The following GSG1L variants were observed in gnomAD, a reference collection of about 807,000 sequenced individuals.
The protein encoded by GSG1L is GSG1 like.
Under a neutral mutation model 42.1 loss-of-function variants are expected in GSG1L, and 24 were observed. The ratio of observed to expected loss-of-function variants is 0.57; its 90% CI spans 0.41 to 0.80. The LOEUF is 0.80. Ranked by LOEUF, GSG1L falls within the 30% of genes least tolerant of loss-of-function variation. The probability of loss-of-function intolerance (pLI) is 0.00; values close to 1 mark genes in which losing one functional copy is unlikely to be tolerated. For missense variants in GSG1L, 445 were observed against 472.2 expected, an observed-to-expected ratio of 0.94 and a Z score of 0.53; for synonymous variants, 215 against 203.5, an observed-to-expected ratio of 1.06 and a Z score of -0.48.
intron 3 of GSG1L, among the ~76,000 whole-genome samples, chr16:27,855,783 C>T (rs2083570636): frequency 6.7e-6 from 1 of 150,276 alleles, no homozygotes; most frequent in Non-Finnish European, 1.5e-5. Context: ...CTGTGAGTTT[C>T]TGCTCCAGTG....
intron 1 of GSG1L, among the ~76,000 whole-genome samples, chr16:28,015,411 G>A (rs964957398): frequency 1.3e-5 from 2 of 152,202 alleles, no homozygotes; most frequent in African/African-American, 4.8e-5. Context: ...AGGCTGAGGT[G>A]GAAGGATCAC....
chr16:27,889,549 C>A (rs2084099313), intron 2 of GSG1L, among the ~76,000 whole-genome samples: 1 of 152,172 alleles, frequency 6.6e-6, no homozygotes, highest in Admixed American at 6.5e-5. Context: ...CTTTGGGCAA[C>A]CAGAGCCCAT....
chr16:27,834,037 T>C (rs2083297950), intron 4 of GSG1L, among the ~76,000 whole-genome samples: 1 of 152,164 alleles, frequency 6.6e-6, no homozygotes. Context: ...AAGAAAACAG[T>C]CTTTCAACAT....
chr16:27,987,612 C>T (rs1033007600), intron 1 of GSG1L, among the ~76,000 whole-genome samples: 7 of 152,144 alleles, frequency 4.6e-5, no homozygotes, highest in Admixed American at 2.0e-4. Context: ...CTGGGTGCCA[C>T]GTGGGTACTT....
intron 5 of GSG1L, among the ~76,000 whole-genome samples, chr16:27,820,256 G>A (rs1226270426): frequency 1.3e-5 from 2 of 152,182 alleles, no homozygotes; most frequent in African/African-American, 2.4e-5. Flanking sequence ...GGGGGCCCTC[G>A]GCCACGTGGC....
chr16:27,879,199 A>G (rs989240701), intron 3 of GSG1L, among the ~76,000 whole-genome samples: 1 of 152,204 alleles, frequency 6.6e-6, no homozygotes, highest in Non-Finnish European at 1.5e-5. Context: ...ATCTCAGTCA[A>G]TGCTGGCTAT....
chr16:27,892,172 A>G, intron 2 of GSG1L, among the ~76,000 whole-genome samples: 1 of 152,140 alleles, frequency 6.6e-6, no homozygotes, highest in Non-Finnish European at 1.5e-5. Context: ...GTAAAAAATG[A>G]GGCCGAATGC....
intron 1 of GSG1L, among the ~76,000 whole-genome samples, chr16:28,004,422 G>A (rs1358033211): frequency 1.3e-5 from 2 of 151,340 alleles, no homozygotes; most frequent in East Asian, 1.9e-4. Context: ...AGAGAAGGAC[G>A]GAAATCCAGA....
chr16:27,829,326 T>C (rs571118809), intron 4 of GSG1L, among the ~76,000 whole-genome samples: 3 of 152,096 alleles, frequency 2.0e-5, no homozygotes, highest in African/African-American at 7.2e-5. Context: ...GAAGGAATAG[T>C]GTGTACAAAG....
chr16:27,869,507 C>T (rs2083776029), intron 3 of GSG1L, among the ~76,000 whole-genome samples: 1 of 149,490 alleles, frequency 6.7e-6, no homozygotes, highest in African/African-American at 2.5e-5. Context: ...CTCTCTCTGT[C>T]TCTGTCTCCA....
intron 2 of GSG1L, among the ~76,000 whole-genome samples, chr16:27,946,390 C>T (rs1017583100): frequency 1.3e-5 from 2 of 151,464 alleles, no homozygotes; most frequent in Non-Finnish European, 1.5e-5. Flanking sequence ...ACTAAAAATA[C>T]AAAAATTAGC....
intron 1 of GSG1L, among the ~76,000 whole-genome samples, chr16:27,981,129 ACC>A (rs2085322054): frequency 6.6e-6 from 1 of 151,928 alleles, no homozygotes; most frequent in Non-Finnish European, 1.5e-5. Context: ...CCCTCCAGAG[ACC>A]CCACACGTGG....
At chr16:28,019,031 C>T (rs1215963559) in intron 1 of GSG1L, among the ~76,000 whole-genome samples, 2 of 152,160 alleles carry the variant, frequency 1.3e-5, no homozygotes, top group Non-Finnish European at 1.5e-5. Context: ...AGAAGCTGGT[C>T]GAGGTGTCCA....
intron 5 of GSG1L, among the ~76,000 whole-genome samples, chr16:27,808,544 G>A (rs1249052426): frequency 1.3e-5 from 2 of 151,340 alleles, no homozygotes; most frequent in Non-Finnish European, 2.9e-5. Context: ...TCAGCCTCCC[G>A]AGTAGCTGGG....
intron 5 of GSG1L, among the ~76,000 whole-genome samples, chr16:27,824,849 C>T (rs9937641): frequency 0.098 from 14,892 of 152,228 alleles, 862 homozygotes; most frequent in African/African-American, 0.15. Flanking sequence ...GGTGAATCTC[C>T]GTAGCAGGGG....
Position 27,888,521 on chromosome 16 carries a change from T to C in GSG1L, c.398-3883A>G, listed in dbSNP as rs917529585. Among the ~76,000 whole-genome samples the C allele has an allele frequency of 3.7e-4, 8 of 21,414 alleles. 2 individuals carry two copies. The highest frequency in any genetic ancestry group is 2.6e-3 in the Admixed American group (3 of 1,158). 14.0% of individuals were successfully genotyped at this position (21,414 alleles called of 152,430 possible). On this transcript the variant is annotated intron_variant, in intron 2 of 6. Transcript: ENST00000447459. ...TTTCTTTCTTTCTTTCTTTCTTTCT[T>C]TCTTTCTTTCTTTCTTTCTTTCTTT...
chr16:28,003,222 G>A (rs1036155348), intron 1 of GSG1L, among the ~76,000 whole-genome samples: 9 of 152,216 alleles, frequency 5.9e-5, no homozygotes, highest in Non-Finnish European at 8.8e-5. Flanking sequence ...TCTTAAAAGC[G>A]CTATCTGGAG....
At chr16:27,969,788 T>C (rs559626986) in intron 1 of GSG1L, among the ~76,000 whole-genome samples, 2 of 152,374 alleles carry the variant, frequency 1.3e-5, no homozygotes, top group South Asian at 4.1e-4. Context: ...CGACACTTTT[T>C]TCCAAAGCAG....
At chr16:27,980,915 AAAG>A (rs1262464465) in intron 1 of GSG1L, among the ~76,000 whole-genome samples, 4 of 151,204 alleles carry the variant, frequency 2.6e-5, no homozygotes, top group East Asian at 1.9e-4. Context: ...AAAAAAAAAA[AAAG>A]AAAGAAAGAA....
Sources: allele counts gnomAD v4.1 joint callset (sites outside exome capture counted in the v4.1 genomes callset), GRCh38; gene constraint gnomAD v4.1.1; transcripts MANE v1.5; gene names NCBI Gene and HGNC (gene_info 2026-07-23, HGNC 2026-07-21).